SH3BGRL: variants seen among roughly 807,000 people sequenced by gnomAD.
SH3BGRL encodes the protein adapter SH3BGRL.
In SH3BGRL, 7 loss-of-function variants were observed where a neutral mutation model predicts 9.8. The ratio of observed to expected loss-of-function variants is 0.72; its 90% CI spans 0.41 to 1.35. SH3BGRL has a LOEUF of 1.35. Among genes scored for constraint, SH3BGRL ranks in the 40% most tolerant of loss-of-function variants. SH3BGRL has a pLI of 0.01. For missense variants in SH3BGRL, 73 were observed against 84.4 expected, an observed-to-expected ratio of 0.86 and a Z score of 0.53; for synonymous variants, 36 against 29.1, an observed-to-expected ratio of 1.24 and a Z score of -0.76.
At chrX:81,222,574 G>T (rs896851969) in intron 1 of SH3BGRL, among the ~76,000 whole-genome samples, 2 of 110,630 alleles carry the variant, frequency 1.8e-5, no homozygotes, top group African/African-American at 6.6e-5. Flanking sequence ...GTCTATCATT[G>T]TTAGACATTT....
chrX:81,258,920 T>G (rs780365683), intron 1 of SH3BGRL, among the ~76,000 whole-genome samples: 2 of 112,357 alleles, frequency 1.8e-5, no homozygotes, highest in South Asian at 7.4e-4. Context: ...TAGCAGCACA[T>G]TTTACAGTAG....
At chrX:81,239,153 G>A (rs966551959) in intron 1 of SH3BGRL, among the ~76,000 whole-genome samples, 1 of 111,883 alleles carries the variant, frequency 8.9e-6, no homozygotes, top group Admixed American at 9.4e-5. Flanking sequence ...CATCATCCAG[G>A]AAAACATGAC....
intron 1 of SH3BGRL, among the ~76,000 whole-genome samples, chrX:81,227,397 GCA>G (rs930267248): frequency 2.7e-5 from 3 of 111,503 alleles, no homozygotes; most frequent in African/African-American, 9.8e-5. Context: ...GTTCTGTTCT[GCA>G]CAGTTTCTAA....
chrX:81,278,282 C>G (rs373699809), intron 2 of SH3BGRL, 49 bp from the exon 3 acceptor site: 6 of 943,545 alleles, frequency 6.4e-6, no homozygotes, highest in Non-Finnish European at 6.0e-6. Flanking sequence ...TCCTTTTTTT[C>G]TTTTATTGGT....
At chrX:81,294,893 A>C (rs1165963838) in intron 3 of SH3BGRL, among the ~76,000 whole-genome samples, 2 of 112,134 alleles carry the variant, frequency 1.8e-5, no homozygotes, top group Non-Finnish European at 1.9e-5. Context: ...GTCAAAGGAG[A>C]TCATTTTGGA....
At chrX:81,228,164 G>T (rs1018616433) in intron 1 of SH3BGRL, among the ~76,000 whole-genome samples, 1 of 111,810 alleles carries the variant, frequency 8.9e-6, no homozygotes, top group African/African-American at 3.3e-5. Flanking sequence ...GTGACCAATG[G>T]CCCATGACAC....
At chrX:81,210,293 T>A (rs186210880) in intron 1 of SH3BGRL, among the ~76,000 whole-genome samples, 236 of 111,903 alleles carry the variant, frequency 2.1e-3, no homozygotes, top group Middle Eastern at 4.6e-3. Context: ...GTTTTTCTGT[T>A]AAAATTATCT....
chrX:81,223,243 C>T (rs1444830779), intron 1 of SH3BGRL, among the ~76,000 whole-genome samples: 1 of 111,577 alleles, frequency 9.0e-6, no homozygotes, highest in Non-Finnish European at 1.9e-5. Context: ...TCATGAAGTC[C>T]TTGCCCATGC....
chrX:81,241,313 C>T (rs1228544154), intron 1 of SH3BGRL, among the ~76,000 whole-genome samples: 4 of 112,285 alleles, frequency 3.6e-5, no homozygotes, highest in Non-Finnish European at 7.5e-5. Context: ...CCATGGATGG[C>T]AGAAGGCAGA....
At position 81,295,020 on chromosome X, in the gene SH3BGRL, G is replaced by A. The variant is rs139379684; in HGVS notation, c.313-2175G>A. Among the ~76,000 whole-genome samples the A allele has an allele frequency of 2.2e-3, 250 of 112,256 alleles. 1 individual carries two copies. Among genetic ancestry groups the A allele is most frequent in the African/African-American group, 7.7e-3 (238 of 30,891 alleles). On this transcript the variant is annotated intron_variant, in intron 3 of 3. Coordinates refer to ENST00000373212, the MANE Select transcript of SH3BGRL (RefSeq NM_003022.3). ...GTATTTACCCAATGCCTGTACCATCGTTGTATCTAGGAAGTAATGAACTTG... is the reference window on the plus strand; with the variant it reads ...GTATTTACCCAATGCCTGTACCATCATTGTATCTAGGAAGTAATGAACTTG...
chrX:81,296,764 C>G (rs1427397980), intron 3 of SH3BGRL, among the ~76,000 whole-genome samples: 1 of 111,596 alleles, frequency 9.0e-6, no homozygotes, highest in Admixed American at 9.5e-5. Context: ...TGTATTCTAT[C>G]ATAAAACATG....
chrX:81,273,649 GTTT>G (rs11354793), intron 1 of SH3BGRL, among the ~76,000 whole-genome samples: 3 of 70,928 alleles, frequency 4.2e-5, no homozygotes, highest in Non-Finnish European at 2.6e-5. Flanking sequence ...TGGTTAAATG[GTTT>G]TTTTTTTTTT....
At chrX:81,273,464 A>T in intron 1 of SH3BGRL, among the ~76,000 whole-genome samples, 1 of 112,384 alleles carries the variant, frequency 8.9e-6, no homozygotes, top group Non-Finnish European at 1.9e-5. Context: ...TAGAGAGTCT[A>T]ACAAAGTTCA....
At chrX:81,255,604 G>A (rs2075723531) in intron 1 of SH3BGRL, 1 of 112,305 alleles carries the variant, frequency 8.9e-6, no homozygotes, top group Non-Finnish European at 1.9e-5. Flanking sequence ...ATCTGCCAAA[G>A]GATTATGATT....
At chrX:81,270,180 G>T (rs1190114842) in intron 1 of SH3BGRL, among the ~76,000 whole-genome samples, 1 of 110,638 alleles carries the variant, frequency 9.0e-6, no homozygotes, top group African/African-American at 3.3e-5. Context: ...CCTTTAGCTC[G>T]GGGAAGTTTG....
intron 1 of SH3BGRL, among the ~76,000 whole-genome samples, chrX:81,264,564 G>C (rs752681399): frequency 1.8e-5 from 2 of 111,436 alleles, no homozygotes; most frequent in East Asian, 5.7e-4. Context: ...GGGTTATCTT[G>C]GGAGGCTTTT....
chrX:81,266,378 C>T (rs1460505559), intron 1 of SH3BGRL, among the ~76,000 whole-genome samples: 2 of 111,169 alleles, frequency 1.8e-5, no homozygotes, highest in Admixed American at 9.5e-5. Context: ...TTTTTGTATA[C>T]AGTGTAAGGA....
At chrX:81,284,699 T>A (rs2075828872) in intron 3 of SH3BGRL, among the ~76,000 whole-genome samples, 1 of 111,000 alleles carries the variant, frequency 9.0e-6, no homozygotes, top group African/African-American at 3.3e-5. Context: ...GAGGAAAACT[T>A]ATCCGCAAGG....
chrX:81,221,447 G>A (rs1438610177), intron 1 of SH3BGRL, among the ~76,000 whole-genome samples: 2 of 111,650 alleles, frequency 1.8e-5, no homozygotes, highest in Non-Finnish European at 3.8e-5. Context: ...CAACTGTATG[G>A]CAAAAAGTCT....
Sources: allele counts gnomAD v4.1 joint callset (sites outside exome capture counted in the v4.1 genomes callset), GRCh38; gene constraint gnomAD v4.1.1; transcripts MANE v1.5; gene names NCBI Gene and HGNC (gene_info 2026-07-23, HGNC 2026-07-21).